Variants in ABCA1 observed in about 807,000 individuals in gnomAD.
ABCA1 encodes phospholipid-transporting ATPase ABCA1.
In ABCA1, 133 loss-of-function variants were observed where a neutral mutation model predicts 262.5. The ratio of observed to expected loss-of-function variants is 0.51; its 90% CI spans 0.44 to 0.59. The LOEUF (loss-of-function observed/expected upper bound fraction) is 0.59. Ranked by LOEUF, ABCA1 falls within the 20% of genes least tolerant of loss-of-function variation. The pLI, the probability that ABCA1 is intolerant of heterozygous loss-of-function variation, is 0.00. For synonymous variants in ABCA1, 1,022 were observed against 1,043.5 expected (o/e 0.98, Z 0.40); for missense variants, 2,452 against 2,777.5 (o/e 0.88, Z 2.63).
chr9:104,867,320 C>A (rs72732694), intron 5 of ABCA1, among the ~76,000 whole-genome samples: 12,454 of 152,194 alleles, frequency 0.082, 580 homozygotes, highest in African/African-American at 0.11. Context: ...GTTAAATGAG[C>A]AAATGTACCT....
intron 1 of ABCA1, among the ~76,000 whole-genome samples, chr9:104,915,019 T>C (rs1040602461): frequency 6.6e-6 from 1 of 152,146 alleles, no homozygotes; most frequent in Non-Finnish European, 1.5e-5. Context: ...GAGTATAAGA[T>C]TGTCAGCACT....
At chr9:104,901,565 G>A (rs1175379483) in intron 2 of ABCA1, among the ~76,000 whole-genome samples, 1 of 152,202 alleles carries the variant, frequency 6.6e-6, no homozygotes, top group Non-Finnish European at 1.5e-5. Flanking sequence ...AAAGGAATAA[G>A]AGTAAGGACG....
rs181824684 is a variant in ABCA1 at position 104,849,445 on chromosome 9, T to C, written c.721-3876A>G. Among the ~76,000 whole-genome samples the C allele has an allele frequency of 4.4e-4, 67 of 152,328 alleles. 1 individual carries two copies. Among genetic ancestry groups the C allele is most frequent in the Non-Finnish European group, 8.2e-4 (56 of 68,020 alleles). ...AACATTGGCTGAACCCACCCATGAG[T>C]AATAAGGTAGAACAGTCAATGCCAT... On this transcript the variant is annotated intron_variant, in intron 7 of 49. Coordinates refer to ENST00000374736, the MANE Select transcript of ABCA1 (RefSeq NM_005502.4).
intron 9 of ABCA1, among the ~76,000 whole-genome samples, chr9:104,839,231 T>C (rs6479282): frequency 0.32 from 47,923 of 152,106 alleles, 8,892 homozygotes; most frequent in East Asian, 0.77. Flanking sequence ...TCTTTAACAC[T>C]GCCTTGCAGC....
chr9:104,832,899 C>T (rs1254636406), intron 11 of ABCA1, 128 bp from the exon 12 acceptor site: 1 of 839,120 alleles, frequency 1.2e-6, no homozygotes, highest in Non-Finnish European at 2.0e-6. Context: ...AGGTAAATGA[C>T]AGTGTCCCTA....
intron 7 of ABCA1, among the ~76,000 whole-genome samples, chr9:104,853,213 T>C (rs1221266622): frequency 6.6e-6 from 1 of 152,182 alleles, no homozygotes; most frequent in Non-Finnish European, 1.5e-5. Flanking sequence ...CAAAAACCAC[T>C]TCTTTTTTTT....
At chr9:104,836,592 T>C (rs1447336401) in intron 11 of ABCA1, among the ~76,000 whole-genome samples, 1 of 152,150 alleles carries the variant, frequency 6.6e-6, no homozygotes, top group Non-Finnish European at 1.5e-5. Flanking sequence ...AGTCTACATG[T>C]AACATCATGC....
At chr9:104,873,937 G>A (rs755068604) in intron 5 of ABCA1, among the ~76,000 whole-genome samples, 1 of 152,184 alleles carries the variant, frequency 6.6e-6, no homozygotes, top group Non-Finnish European at 1.5e-5. Flanking sequence ...TGGCTGCCAA[G>A]TCTGTTCTCT....
At chr9:104,804,861 A>G in intron 31 of ABCA1, 141 bp from the exon 32 acceptor site, 1 of 756,714 alleles carries the variant, frequency 1.3e-6, no homozygotes, top group South Asian at 1.4e-5. Context: ...TCAGTCAACC[A>G]GCACTGAGAC....
At chr9:104,889,070 G>A (rs1397083302) in intron 3 of ABCA1, 32 bp downstream of exon 3, 1 of 1,582,314 alleles carries the variant, frequency 6.3e-7, no homozygotes, top group South Asian at 1.1e-5. Flanking sequence ...CCTGCCATTG[G>A]TGAGTCTCAG....
Position 104,817,189 on chromosome 9 carries a change from A to C in ABCA1, c.3535+143T>G. ...GCCAACCCGCCACCAAGCTGCTCCC[A>C]CACCCGCAGCCACCCAGCCCCAGCC... On this transcript the variant is annotated intron_variant, in intron 24 of 49. Transcript: ENST00000374736. This position sits in a 1 kb window ranked among gnomAD's most constrained non-coding sequence, Gnocchi z 4.7. 1 of 1,555,394 alleles carries C rather than the reference A, an allele frequency of 6.4e-7. No homozygotes were observed. Among genetic ancestry groups the C allele is most frequent in the Non-Finnish European group, 8.7e-7 (1 of 1,155,192 alleles).
intron 1 of ABCA1, among the ~76,000 whole-genome samples, chr9:104,913,956 C>T (rs572624740): frequency 3.3e-5 from 5 of 151,312 alleles, no homozygotes; most frequent in African/African-American, 4.8e-5. Context: ...CCTGCCAACA[C>T]GCCCGGCTAA....
At chr9:104,829,676 C>T (rs1269285043) in intron 14 of ABCA1, among the ~76,000 whole-genome samples, 1 of 152,150 alleles carries the variant, frequency 6.6e-6, no homozygotes, top group African/African-American at 2.4e-5. Flanking sequence ...GGCACATACT[C>T]ACTACATGAC....
Position 104,802,125 on chromosome 9 carries a change from G to C in ABCA1, c.4627C>G (p.Gln1543Glu). The C allele has an allele frequency of 6.2e-7, 1 of 1,614,152 alleles. No homozygotes were observed. Among genetic ancestry groups the C allele is most frequent in the Non-Finnish European group, 8.5e-7 (1 of 1,180,024 alleles). ...GGFSLGVSNT[Q>E]ALPPSQEVND... ...ACTTCTTGACTCGGAGGAAGTGCTT[G>C]AGTATTACTGACACCCAGGGAAAAG... Residue 1543 changes from glutamine (Q) to glutamate (E), a missense_variant, in exon 34 of 50, where the codon CAA becomes GAA. By Grantham distance (29) the Gln-to-Glu change is conservative (BLOSUM62 2). Coordinates refer to ENST00000374736, the MANE Select transcript of ABCA1 (RefSeq NM_005502.4).
At chr9:104,832,516 A>C in intron 12 of ABCA1, 58 bp downstream of exon 12, 2 of 1,583,900 alleles carry the variant, frequency 1.3e-6, no homozygotes, top group Non-Finnish European at 1.7e-6. Context: ...CCTTATTGTA[A>C]CGTCTCAGAG....
chr9:104,818,562 T>G, intron 23 of ABCA1, 101 bp downstream of exon 23: 1 of 1,184,016 alleles, frequency 8.4e-7, no homozygotes, highest in South Asian at 1.2e-5. Context: ...AGATGGTGGT[T>G]TCAACATGGC....
chr9:104,838,463 A>AAG (rs1238772535), intron 9 of ABCA1, among the ~76,000 whole-genome samples: 1 of 150,772 alleles, frequency 6.6e-6, no homozygotes, highest in South Asian at 2.1e-4. Context: ...CAAAAAAAAA[A>AAG]AAAATTAGCT....
At position 104,861,679 on chromosome 9, in the gene ABCA1, C is replaced by T. The variant is rs1159493082; in HGVS notation, c.543G>A (p.Lys181=). The stretch of plus-strand genomic sequence containing the variant: ...GAGGAAGCTGGAGGCATCAGCTTAC[C>T]TTGTGGAGAATGACATCAGCCCTCA... The part of the protein sequence containing the change: ...KMLRADVILH[K]VFLQGYQLHL... The change falls in exon 6 of 50, where the codon AAG becomes AAA. Residue 181 remains lysine (K), a splice_region_variant and synonymous_variant. Transcript: ENST00000374736. 2.5e-6 allele frequency: 4 copies of T among 1,614,140 alleles called. No individual in the cohort carries two copies. Among genetic ancestry groups the T allele is most frequent in the Non-Finnish European group, 3.4e-6 (4 of 1,180,040 alleles).
In ABCA1 at chr9:104,840,237, G is replaced by C. The variant is rs1247810892; in HGVS notation, c.1054+42C>G. 4 of 1,613,514 alleles carry C rather than the reference G, an allele frequency of 2.5e-6. No individual in the cohort carries two copies. In the African/African-American group the frequency reaches 5.3e-5, roughly 22 times the overall value. ...AGGCCAAGGCCAGAACTAAGGGAGG[G>C]ATGGGGTTGGGGACAGGGCTGGGGT... On this transcript the variant is annotated intron_variant, in intron 9 of 49. Transcript: ENST00000374736.
Sources: gnomAD v4.1 joint callset for allele counts (sites outside exome capture counted in the v4.1 genomes callset) on GRCh38, gnomAD v4.1.1 for gene constraint, Gnocchi (gnomAD v3.1) non-coding constraint, MANE v1.5 for transcripts, NCBI Gene and HGNC (gene_info 2026-07-23, HGNC 2026-07-21) for gene names.